The following CHD7 variants were observed in gnomAD, a reference collection of about 807,000 sequenced individuals.
CHD7 encodes the protein chromodomain helicase DNA binding protein 7, also known as ATP-dependent chromatin remodeler CHD7.
A neutral mutation model predicts 307.3 loss-of-function variants in CHD7; 24 were observed. The observed-to-expected ratio is 0.08, with a 90% CI of 0.06 to 0.11. The LOEUF (loss-of-function observed/expected upper bound fraction) is 0.11, where lower values mean the gene tolerates loss of function less well. Among genes scored for constraint, CHD7 ranks in the 10% least tolerant of loss-of-function variants. CHD7 has a pLI of 1.00. For synonymous variants in CHD7, 1,363 were observed against 1,349.9 expected, an observed-to-expected ratio of 1.01 and a Z score of -0.21; for missense variants, 3,106 against 3,727.1, an observed-to-expected ratio of 0.83 and a Z score of 4.34.
Position 60,821,940 on chromosome 8 carries a change from T to C in CHD7, c.2835+13T>C, listed in dbSNP as rs749585192. 5 of 1,613,192 alleles carry C rather than the reference T, an allele frequency of 3.1e-6. No individual in the cohort carries two copies. The African/African-American group carries it at 6.7e-5, about 22-fold the overall frequency. On this transcript the variant is annotated intron_variant, in intron 10 of 37. Coordinates refer to ENST00000423902, the MANE Select transcript of CHD7 (RefSeq NM_017780.4). Reference sequence around the variant, plus strand: ...AACAGAGCGTGTGGTAAGAATTGGCTGATGGTAGAGAATTTAATTTGAAAA... The same window carrying C: ...AACAGAGCGTGTGGTAAGAATTGGCCGATGGTAGAGAATTTAATTTGAAAA...
chr8:60,824,972 A>G (rs1353119796), intron 13 of CHD7: 1 of 152,158 alleles, frequency 6.6e-6, no homozygotes, highest in Admixed American at 6.5e-5. Flanking sequence ...ATGATCACTT[A>G]TATTTTATTT....
intron 2 of CHD7, among the ~76,000 whole-genome samples, chr8:60,772,352 T>C (rs1039049795): frequency 6.6e-6 from 1 of 152,242 alleles, no homozygotes. Flanking sequence ...AGGAACAGCA[T>C]AGTAAGTTAC....
At chr8:60,801,105 A>G (rs1201778905) in intron 5 of CHD7, among the ~76,000 whole-genome samples, 4 of 152,222 alleles carry the variant, frequency 2.6e-5, no homozygotes, top group East Asian at 1.9e-4. Context: ...AATTTGTTCT[A>G]TGTTAAGTTG....
At chr8:60,761,506 A>T (rs1235733696) in intron 2 of CHD7, among the ~76,000 whole-genome samples, 12 of 152,236 alleles carry the variant, frequency 7.9e-5, no homozygotes, top group East Asian at 1.9e-4. Context: ...AATTAAAAAA[A>T]ATATATTCCC....
At chr8:60,788,080 G>A (rs1006835456) in intron 3 of CHD7, among the ~76,000 whole-genome samples, 2 of 151,386 alleles carry the variant, frequency 1.3e-5, no homozygotes, top group East Asian at 1.9e-4. Context: ...CCTTGGTCTC[G>A]CAAAGTGCTG....
At chr8:60,706,380 T>G (rs891674608) in intron 1 of CHD7, among the ~76,000 whole-genome samples, 1 of 152,260 alleles carries the variant, frequency 6.6e-6, no homozygotes, top group Admixed American at 6.5e-5. Flanking sequence ...TAGCGAGTTT[T>G]ATGATACCAT....
chr8:60,721,707 A>G lies in CHD7; in HGVS notation c.-174-19552A>G, dbSNP rs559215683. 7.9e-5 allele frequency among the ~76,000 whole-genome samples: 12 copies of G among 152,300 alleles called. No homozygotes were observed. In the South Asian group the frequency reaches 1.9e-3, roughly 24 times the overall value. ...GGTGCTGATGCTGCCGATGCTGCCA[A>G]TGCTGCCAATGCTGGTCCATGTTCG... On this transcript the variant is annotated intron_variant, in intron 1 of 37. Transcript: ENST00000423902.
intron 1 of CHD7, among the ~76,000 whole-genome samples, chr8:60,712,704 G>A (rs2150526412): frequency 6.6e-6 from 1 of 152,248 alleles, no homozygotes; most frequent in African/African-American, 2.4e-5. Flanking sequence ...ATCACTTGAG[G>A]TCAGGAGTTC....
intron 1 of CHD7, among the ~76,000 whole-genome samples, chr8:60,717,883 A>T (rs1490971209): frequency 6.6e-6 from 1 of 152,240 alleles, no homozygotes; most frequent in East Asian, 1.9e-4. Context: ...TGATAATGAC[A>T]GTAAACTGTG....
At chr8:60,798,366 A>C (rs1053696445) in intron 4 of CHD7, among the ~76,000 whole-genome samples, 1 of 152,242 alleles carries the variant, frequency 6.6e-6, no homozygotes, top group Non-Finnish European at 1.5e-5. Flanking sequence ...CACATCAGAA[A>C]AGTACTTTGC....
At chr8:60,839,227 T>TA (rs1489151287) in intron 19 of CHD7, among the ~76,000 whole-genome samples, 13 of 152,216 alleles carry the variant, frequency 8.5e-5, no homozygotes, top group Non-Finnish European at 1.5e-5. Flanking sequence ...ATTCACTTAG[T>TA]ATAATGTTTT....
intron 8 of CHD7, 99 bp downstream of exon 8, chr8:60,816,600 C>A: frequency 1.4e-6 from 1 of 692,008 alleles, no homozygotes; most frequent in Non-Finnish European, 2.5e-6. Flanking sequence ...TAGTTAGTCT[C>A]ATTTGGTGCT....
chr8:60,739,148 G>A (rs900504), intron 1 of CHD7, among the ~76,000 whole-genome samples: 70,067 of 152,048 alleles, frequency 0.46, 19,673 homozygotes, highest in East Asian at 0.78. Context: ...TTTACCTGGA[G>A]CTGGCCTGGA....
chr8:60,829,322 A>C (rs1280535539), intron 14 of CHD7, among the ~76,000 whole-genome samples: 1 of 152,238 alleles, frequency 6.6e-6, no homozygotes, highest in Non-Finnish European at 1.5e-5. Flanking sequence ...TGCTTGGGCC[A>C]GGCGCGGTGG....
chr8:60,682,712 T>C (rs1308436739), intron 1 of CHD7, among the ~76,000 whole-genome samples: 2 of 152,262 alleles, frequency 1.3e-5, no homozygotes, highest in Non-Finnish European at 2.9e-5. Flanking sequence ...TATTCACATT[T>C]GACTTTTAAG....
chr8:60,839,820 T>C (rs1166808837), intron 19 of CHD7, among the ~76,000 whole-genome samples: 2 of 152,224 alleles, frequency 1.3e-5, no homozygotes, highest in African/African-American at 4.8e-5. Flanking sequence ...ATATGTTCTG[T>C]ATGAAGGTTC....
intron 7 of CHD7, among the ~76,000 whole-genome samples, chr8:60,809,761 G>C (rs1172024950): frequency 6.7e-6 from 1 of 150,056 alleles, no homozygotes; most frequent in Non-Finnish European, 1.5e-5. Flanking sequence ...ATAAAACTAA[G>C]AGTTTTTGTT....
At chr8:60,703,133 T>C (rs981948225) in intron 1 of CHD7, among the ~76,000 whole-genome samples, 31 of 152,280 alleles carry the variant, frequency 2.0e-4, no homozygotes, top group Non-Finnish European at 2.4e-4. Context: ...TGTACGTCAC[T>C]CTCTCTTTCT....
chr8:60,711,595 C>T (rs527497087), intron 1 of CHD7, among the ~76,000 whole-genome samples: 4 of 152,250 alleles, frequency 2.6e-5, no homozygotes, highest in Admixed American at 1.3e-4. Context: ...GGTGTTATTC[C>T]TCTTGCTAAT....
Sources: allele counts gnomAD v4.1 joint callset (sites outside exome capture counted in the v4.1 genomes callset), GRCh38; gene constraint gnomAD v4.1.1; transcripts MANE v1.5; gene names NCBI Gene and HGNC (gene_info 2026-07-23, HGNC 2026-07-21).